The following ST6GALNAC3 variants were observed in gnomAD, a reference collection of about 807,000 sequenced individuals.
The protein encoded by ST6GALNAC3 is ST6 N-acetylgalactosaminide alpha-2,6-sialyltransferase 3.
Under a neutral mutation model 32.7 loss-of-function variants are expected in ST6GALNAC3, and 25 were observed. The observed-to-expected ratio is 0.76, with a 90% CI of 0.56 to 1.07. ST6GALNAC3 has a LOEUF of 1.07. Ranked by LOEUF, ST6GALNAC3 falls within the 50% of genes least tolerant of loss-of-function variation. The pLI is 0.00. For missense variants in ST6GALNAC3, 355 were observed against 382.4 expected (o/e 0.93, Z 0.60); for synonymous variants, 129 against 133.1 (o/e 0.97, Z 0.21).
At chr1:76,537,224 C>T (rs1193833206) in intron 3 of ST6GALNAC3, among the ~76,000 whole-genome samples, 1 of 151,562 alleles carries the variant, frequency 6.6e-6, no homozygotes, top group African/African-American at 2.4e-5. Flanking sequence ...TTGAATGACT[C>T]CTGATTAAAT....
At chr1:76,517,884 CTATT>C (rs1013086467) in intron 3 of ST6GALNAC3, among the ~76,000 whole-genome samples, 4 of 151,874 alleles carry the variant, frequency 2.6e-5, no homozygotes, top group Non-Finnish European at 4.4e-5. Context: ...TTCATTTTTA[CTATT>C]TATTTATTTA....
chr1:76,270,630 T>G (rs1331322709), intron 1 of ST6GALNAC3, among the ~76,000 whole-genome samples: 1 of 149,850 alleles, frequency 6.7e-6, no homozygotes, highest in Non-Finnish European at 1.5e-5. Flanking sequence ...GAAACTGAAA[T>G]CCACAGTGGT....
chr1:76,178,535 T>C (rs1652983241), intron 1 of ST6GALNAC3, among the ~76,000 whole-genome samples: 1 of 152,202 alleles, frequency 6.6e-6, no homozygotes. Flanking sequence ...TAGATTGTTA[T>C]TCAGTGCCTC....
At chr1:76,485,306 C>T (rs560000816) in intron 3 of ST6GALNAC3, among the ~76,000 whole-genome samples, 2 of 152,252 alleles carry the variant, frequency 1.3e-5, no homozygotes, top group East Asian at 1.9e-4. Context: ...GGTACCAGCT[C>T]CTCCTTGTAC....
At chr1:76,346,242 G>A (rs1207619356) in intron 2 of ST6GALNAC3, among the ~76,000 whole-genome samples, 1 of 152,148 alleles carries the variant, frequency 6.6e-6, no homozygotes, top group East Asian at 1.9e-4. Context: ...GTAGTAGAGG[G>A]GAAAAAGTAA....
chr1:76,453,441 C>A (rs963923673), intron 3 of ST6GALNAC3, among the ~76,000 whole-genome samples: 3 of 152,034 alleles, frequency 2.0e-5, no homozygotes, highest in Non-Finnish European at 4.4e-5. Context: ...CTTGGCACCG[C>A]CTTTGCTGTA....
chr1:76,472,159 A>G (rs1003730658), intron 3 of ST6GALNAC3, among the ~76,000 whole-genome samples: 5 of 152,118 alleles, frequency 3.3e-5, no homozygotes, highest in Non-Finnish European at 2.9e-5. Flanking sequence ...TCCATGTAGA[A>G]ATTTTGTCTA....
intron 3 of ST6GALNAC3, among the ~76,000 whole-genome samples, chr1:76,520,659 G>A (rs1434874989): frequency 2.0e-5 from 3 of 149,542 alleles, no homozygotes; most frequent in African/African-American, 7.4e-5. Flanking sequence ...ACCTGGCTAA[G>A]TTTTTTTTTT....
chr1:76,279,039 C>A (rs1299048285), intron 1 of ST6GALNAC3, among the ~76,000 whole-genome samples: 1 of 152,176 alleles, frequency 6.6e-6, no homozygotes, highest in East Asian at 1.9e-4. Context: ...TTTGATACAA[C>A]TTTATCCATC....
intron 1 of ST6GALNAC3, among the ~76,000 whole-genome samples, chr1:76,226,851 A>T (rs1656103768): frequency 6.6e-6 from 1 of 152,152 alleles, no homozygotes; most frequent in Non-Finnish European, 1.5e-5. Flanking sequence ...CACCTCCAAC[A>T]TTGGGGATTA....
intron 2 of ST6GALNAC3, among the ~76,000 whole-genome samples, chr1:76,366,213 T>G (rs1650358281): frequency 6.6e-6 from 1 of 152,194 alleles, no homozygotes; most frequent in South Asian, 2.1e-4. Flanking sequence ...ATTTCTCCAA[T>G]GTACCCTTGT....
At chr1:76,304,521 G>A (rs537443449) in intron 1 of ST6GALNAC3, among the ~76,000 whole-genome samples, 1 of 152,082 alleles carries the variant, frequency 6.6e-6, no homozygotes, top group East Asian at 1.9e-4. Context: ...GGGGCCAGGA[G>A]GAGCAGCATG....
intron 3 of ST6GALNAC3, among the ~76,000 whole-genome samples, chr1:76,460,155 A>AT (rs1331379230): frequency 6.6e-6 from 1 of 151,990 alleles, no homozygotes; most frequent in Admixed American, 6.6e-5. Context: ...GTTATTTTTC[A>AT]TTTTTTTAAA....
chr1:76,552,270 G>A (rs1435341162), intron 3 of ST6GALNAC3, among the ~76,000 whole-genome samples: 1 of 152,112 alleles, frequency 6.6e-6, no homozygotes, highest in East Asian at 1.9e-4. Context: ...GTCTGTGGTG[G>A]GAATGTGGAC....
intron 2 of ST6GALNAC3, among the ~76,000 whole-genome samples, chr1:76,334,986 A>C (rs545159298): frequency 1.3e-5 from 2 of 152,348 alleles, no homozygotes; most frequent in Admixed American, 1.3e-4. Flanking sequence ...ATAAAGACCC[A>C]AAGCTCTTCT....
At chr1:76,487,372 A>G (rs560003560) in intron 3 of ST6GALNAC3, among the ~76,000 whole-genome samples, 84 of 152,208 alleles carry the variant, frequency 5.5e-4, no homozygotes, top group African/African-American at 1.8e-3. Context: ...CCAATCAGAC[A>G]TAGATTTGGT....
intron 1 of ST6GALNAC3, among the ~76,000 whole-genome samples, chr1:76,184,142 C>A (rs574796152): frequency 6.6e-6 from 1 of 151,894 alleles, no homozygotes; most frequent in East Asian, 1.9e-4. Context: ...TTGATTACCC[C>A]TTATGTGAAC....
intron 3 of ST6GALNAC3, among the ~76,000 whole-genome samples, chr1:76,448,821 A>G (rs1571261974): frequency 6.6e-6 from 1 of 152,044 alleles, no homozygotes; most frequent in Admixed American, 6.6e-5. Context: ...TTTTTCCTAT[A>G]TAAATTACCC....
At chr1:76,565,204 AC>A (rs1397491392) in intron 3 of ST6GALNAC3, among the ~76,000 whole-genome samples, 3 of 152,160 alleles carry the variant, frequency 2.0e-5, no homozygotes, top group Non-Finnish European at 4.4e-5. Context: ...CTGAGGACAC[AC>A]CCCTTTAAAG....
Sources: allele counts gnomAD v4.1 joint callset (sites outside exome capture counted in the v4.1 genomes callset), GRCh38; gene constraint gnomAD v4.1.1; transcripts MANE v1.5; gene names NCBI Gene and HGNC (gene_info 2026-07-23, HGNC 2026-07-21).